PCDHA1: variants seen among roughly 807,000 people sequenced by gnomAD.
PCDHA1 encodes protocadherin alpha 1.
A neutral mutation model predicts 61.3 loss-of-function variants in PCDHA1; 42 were observed. The observed-to-expected ratio is 0.69, with a 90% CI of 0.54 to 0.89. PCDHA1 has a LOEUF of 0.89. PCDHA1 is among the 40% of genes least tolerant of loss of function. The probability of loss-of-function intolerance (pLI) is 0.00; values close to 1 mark genes in which losing one functional copy is unlikely to be tolerated. For synonymous variants in PCDHA1, 610 were observed against 553.8 expected (o/e 1.10, Z -1.43); for missense variants, 1,256 against 1,235.3 (o/e 1.02, Z -0.25).
rs2150357061 is a variant in PCDHA1, at chr5:140,843,307, G to C, written c.2394+54623G>C. On this transcript the variant is annotated intron_variant, in intron 1 of 3. Transcript: ENST00000504120. The stretch of plus-strand genomic sequence containing the variant: ...ATGGTGAACCTGCGCTGACCGCCAC[G>C]GCCACGGTTCTGGTGTCGCTGGTGG... 7 of 1,595,858 alleles carry C rather than the reference G, an allele frequency of 4.4e-6. 1 individual carries two copies. The highest frequency in any genetic ancestry group is 6.0e-6 in the Non-Finnish European group (7 of 1,165,566).
At chr5:140,851,190 G>T in intron 1 of PCDHA1, 1 of 1,221,164 alleles carries the variant, frequency 8.2e-7, no homozygotes, top group Non-Finnish European at 1.1e-6. Flanking sequence ...AACCAATTTA[G>T]TTGTTAGTCA....
At chr5:141,007,688 C>A (rs1554261446) in intron 3 of PCDHA1, among the ~76,000 whole-genome samples, 1 of 152,170 alleles carries the variant, frequency 6.6e-6, no homozygotes, top group Admixed American at 6.5e-5. Flanking sequence ...ATCCTACTTC[C>A]ACCTCCCTCC....
chr5:140,886,552 G>A (rs188986859), intron 1 of PCDHA1, among the ~76,000 whole-genome samples: 132 of 151,712 alleles, frequency 8.7e-4, no homozygotes, highest in Middle Eastern at 3.4e-3. Flanking sequence ...TCCCAGCTGG[G>A]CACGGTGGCT....
intron 1 of PCDHA1, among the ~76,000 whole-genome samples, chr5:140,887,337 C>T (rs2153419784): frequency 6.6e-6 from 1 of 152,268 alleles, no homozygotes; most frequent in East Asian, 1.9e-4. Flanking sequence ...ACCTCGTGAT[C>T]CACCTGGCTC....
chr5:140,807,807 A>C lies in PCDHA1; in HGVS notation c.2394+19123A>C, dbSNP rs1262793743. 1.9e-6 allele frequency: 3 copies of C among 1,614,166 alleles called. No individual in the cohort carries two copies. The East Asian group carries it at 6.7e-5, about 36-fold the overall frequency. ...TCTTTAGACAGAGAAGAAGCTCCGGAGATTTTTTTAGTGCTCACAGCCACT... is the reference window on the plus strand; with the variant it reads ...TCTTTAGACAGAGAAGAAGCTCCGGCGATTTTTTTAGTGCTCACAGCCACT... On this transcript the variant is annotated intron_variant, in intron 1 of 3. Coordinates refer to ENST00000504120, the MANE Select transcript of PCDHA1 (RefSeq NM_018900.4).
At chr5:140,880,842 T>C (rs1554171525) in intron 1 of PCDHA1, among the ~76,000 whole-genome samples, 1 of 152,194 alleles carries the variant, frequency 6.6e-6, no homozygotes, top group East Asian at 1.9e-4. Flanking sequence ...TTTAAATGGT[T>C]GACTATGTAG....
intron 1 of PCDHA1, chr5:140,870,383 G>C: frequency 6.2e-7 from 1 of 1,614,242 alleles, no homozygotes; most frequent in South Asian, 1.1e-5. Flanking sequence ...GTGACTGCGC[G>C]GGATGGGGGT....
intron 1 of PCDHA1, chr5:140,801,564 G>T (rs782579018): frequency 6.2e-7 from 1 of 1,614,270 alleles, no homozygotes. Context: ...GGAGGTGGAA[G>T]TGAAGGACAT....
At chr5:140,884,410 G>GT in intron 1 of PCDHA1, 1 of 1,614,008 alleles carries the variant, frequency 6.2e-7, no homozygotes, top group Non-Finnish European at 8.5e-7. Context: ...TGGTGCTCAC[G>GT]TTGCTGCTGT....
chr5:140,803,997 A>C, intron 1 of PCDHA1: 1 of 267,966 alleles, frequency 3.7e-6, no homozygotes, highest in Middle Eastern at 1.3e-3. Context: ...ACCTGTTAGT[A>C]CAAATGTTAC....
At chr5:140,935,850 G>A (rs2090589549) in intron 1 of PCDHA1, among the ~76,000 whole-genome samples, 1 of 149,422 alleles carries the variant, frequency 6.7e-6, no homozygotes, top group South Asian at 2.1e-4. Context: ...GCTTAATGGT[G>A]TCTTTTGATT....
rs782081759 is a variant in PCDHA1, at chr5:140,803,272, C to T, written c.2394+14588C>T. 3.1e-6 allele frequency: 5 copies of T among 1,614,026 alleles called. No individual in the cohort carries two copies. The Admixed American group carries it at 5.0e-5, about 16-fold the overall frequency. On this transcript the variant is annotated intron_variant, in intron 1 of 3. Transcript: ENST00000504120. ...GCTGGCGCCACGGGCCCGGAAGCTG[C>T]ACTGGTGGATGTCAACGTGTACTTG...
Position 140,808,064 on chromosome 5 carries a change from T to C in PCDHA1, c.2394+19380T>C, listed in dbSNP as rs1554124407. On this transcript the variant is annotated intron_variant, in intron 1 of 3. Coordinates refer to ENST00000504120, the MANE Select transcript of PCDHA1 (RefSeq NM_018900.4). ...TATTTCGCCAAATGTGAAATCCAAG[T>C]TTCACATAGATCCAATTACTGGACA... 3.1e-6 allele frequency: 5 copies of C among 1,614,056 alleles called. No individual in the cohort carries two copies. The Admixed American group carries it at 8.3e-5, about 27-fold the overall frequency.
At chr5:140,870,992 T>G (rs782714479) in intron 1 of PCDHA1, 3 of 1,613,478 alleles carry the variant, frequency 1.9e-6, no homozygotes, top group Non-Finnish European at 2.5e-6. Flanking sequence ...ACGGGCGAGA[T>G]AAGCACAACG....
intron 1 of PCDHA1, chr5:140,850,691 C>A: frequency 1.3e-6 from 2 of 1,598,334 alleles, no homozygotes; most frequent in Non-Finnish European, 1.7e-6. Context: ...AGGGCGAGTG[C>A]GCGCCTGGCA....
intron 3 of PCDHA1, among the ~76,000 whole-genome samples, chr5:141,008,057 C>T (rs1472919496): frequency 3.9e-5 from 6 of 152,020 alleles, no homozygotes; most frequent in African/African-American, 1.2e-4. Context: ...GGGGTCCAGT[C>T]CATCTAAGAA....
At chr5:141,007,759 T>C (rs1392582275) in intron 3 of PCDHA1, among the ~76,000 whole-genome samples, 6 of 152,312 alleles carry the variant, frequency 3.9e-5, no homozygotes, top group Middle Eastern at 3.4e-3. Flanking sequence ...TGGACTCTTA[T>C]TGGCCTGGAA....
intron 1 of PCDHA1, chr5:140,867,873 G>A (rs1554161583): frequency 6.6e-6 from 1 of 152,056 alleles, no homozygotes; most frequent in East Asian, 1.9e-4. Flanking sequence ...AATTTTCTAT[G>A]TTTTAAGCAC....
intron 1 of PCDHA1, chr5:140,801,675 G>C: frequency 3.7e-6 from 6 of 1,614,214 alleles, no homozygotes; most frequent in Non-Finnish European, 5.1e-6. Context: ...CGCATCAGAT[G>C]CAGATATCGG....
Sources: allele counts gnomAD v4.1 joint callset (sites outside exome capture counted in the v4.1 genomes callset), GRCh38; gene constraint gnomAD v4.1.1; transcripts MANE v1.5; gene names NCBI Gene and HGNC (gene_info 2026-07-23, HGNC 2026-07-21).